The following PLCB4 variants were observed in gnomAD, a reference collection of about 807,000 sequenced individuals.
PLCB4 encodes phospholipase C beta 4.
Under a neutral mutation model 178.8 loss-of-function variants are expected in PLCB4, and 77 were observed. The observed-to-expected ratio is 0.43, with a 90% CI of 0.36 to 0.52. The LOEUF (loss-of-function observed/expected upper bound fraction) is 0.52. PLCB4 is among the 20% of genes least tolerant of loss of function. PLCB4 has a pLI of 0.00. For missense variants in PLCB4, 1,024 were observed against 1,453.4 expected (o/e 0.70, Z 4.80); for synonymous variants, 496 against 490.8 (o/e 1.01, Z -0.14).
At chr20:9,384,527 C>T in intron 14 of PLCB4, 116 bp downstream of exon 14, 1 of 717,060 alleles carries the variant, frequency 1.4e-6, no homozygotes, top group Non-Finnish European at 2.4e-6. Flanking sequence ...TGTTTATTCC[C>T]TTTAATGGAT....
chr20:9,207,681 GCCCACCATCTGCT>G (rs1369422908), intron 2 of PLCB4, among the ~76,000 whole-genome samples: 4 of 152,146 alleles, frequency 2.6e-5, no homozygotes, highest in Admixed American at 6.5e-5. Context: ...CTAGAGGAGG[GCCCACCATCTGCT>G]CCACAATAGG....
chr20:9,459,671 T>A lies in PLCB4; in HGVS notation c.3109T>A (p.Ser1037Thr). 1 of 1,612,682 alleles carries A rather than the reference T, an allele frequency of 6.2e-7. No homozygotes were observed. The highest frequency in any genetic ancestry group is 8.5e-7 in the Non-Finnish European group (1 of 1,178,922). The part of the protein sequence containing the change: ...EIVAQHTKEW[S>T]EMINTHSAEE... ...TGTAGCACAGCACACAAAGGAATGG[T>A]CAGAAATGATCAATACCCACAGTGC... Residue 1037 changes from serine to threonine, a missense_variant, in exon 35 of 40, where the codon TCA (serine) becomes ACA (threonine). This residue lies in a region of PLCB4 where 264 missense variants were observed against 283.2 expected (regional missense o/e 0.93). Coordinates refer to ENST00000378473, the MANE Select transcript of PLCB4 (RefSeq NM_001377142.1).
At position 9,248,978 on chromosome 20, in the gene PLCB4, A is replaced by T. The variant is rs141351924; in HGVS notation, c.-16+31526A>T. Among the ~76,000 whole-genome samples the T allele has an allele frequency of 8.5e-3, 1,290 of 152,138 alleles. 23 individuals carry two copies. The highest frequency in any genetic ancestry group is 0.03 in the African/African-American group (1,234 of 41,524). ...CTCCTGAGGGGGACCCTTTCCTTCC[A>T]TTTCCAGCTTCTAGCAGTTGCCTGC... On this transcript the variant is annotated intron_variant, in intron 3 of 39. Coordinates refer to ENST00000378473, the MANE Select transcript of PLCB4 (RefSeq NM_001377142.1).
intron 9 of PLCB4, among the ~76,000 whole-genome samples, chr20:9,368,128 T>C (rs2035935720): frequency 6.6e-6 from 1 of 152,246 alleles, no homozygotes; most frequent in South Asian, 2.1e-4. Context: ...ATGGAAACTA[T>C]TAGTGTACTG....
At chr20:9,198,432 T>A (rs2093500346) in intron 2 of PLCB4, among the ~76,000 whole-genome samples, 1 of 152,230 alleles carries the variant, frequency 6.6e-6, no homozygotes, top group African/African-American at 2.4e-5. Context: ...TGTTTCTTTG[T>A]GGAATATGGG....
chr20:9,104,465 G>A (rs1288254593), intron 2 of PLCB4, among the ~76,000 whole-genome samples: 1 of 152,092 alleles, frequency 6.6e-6, no homozygotes, highest in African/African-American at 2.4e-5. Context: ...TGGGGACCAT[G>A]TTTTAAAATT....
At chr20:9,449,900 C>T (rs1003646739) in intron 32 of PLCB4, among the ~76,000 whole-genome samples, 2 of 152,172 alleles carry the variant, frequency 1.3e-5, no homozygotes, top group East Asian at 3.9e-4. Context: ...CAGTTGCCCT[C>T]AGAGTCCGCC....
intron 12 of PLCB4, among the ~76,000 whole-genome samples, chr20:9,374,209 G>A (rs2036486907): frequency 6.6e-6 from 1 of 152,150 alleles, no homozygotes. Context: ...ATGCAAGAAA[G>A]AGAAAATCCT....
chr20:9,129,446 T>A (rs953167788), intron 2 of PLCB4, among the ~76,000 whole-genome samples: 3 of 152,174 alleles, frequency 2.0e-5, no homozygotes, highest in Non-Finnish European at 4.4e-5. Flanking sequence ...CTATACTGGC[T>A]TCCTTCCCTG....
At chr20:9,463,500 G>C (rs1054536508) in intron 35 of PLCB4, among the ~76,000 whole-genome samples, 2 of 149,170 alleles carry the variant, frequency 1.3e-5, no homozygotes, top group African/African-American at 4.9e-5. Context: ...AGACCCATCA[G>C]TGTGCTGAAT....
At chr20:9,459,984 C>T (rs1424585167) in intron 35 of PLCB4, among the ~76,000 whole-genome samples, 174 bp downstream of exon 35, 1 of 152,150 alleles carries the variant, frequency 6.6e-6, no homozygotes, top group East Asian at 1.9e-4. Flanking sequence ...TAAGAAATGG[C>T]ACCCAGGGGC....
In PLCB4 at chr20:9,147,627, G is replaced by T. The variant is rs78916309; in HGVS notation, c.-79+51285G>T. On this transcript the variant is annotated intron_variant, in intron 2 of 39. Coordinates refer to ENST00000378473, the MANE Select transcript of PLCB4 (RefSeq NM_001377142.1). ...GCTAACATCTATGCTAGATCAGGGTGACTCATCCCTGCTAAATATGTGTCT... is the reference window on the plus strand; with the variant it reads ...GCTAACATCTATGCTAGATCAGGGTTACTCATCCCTGCTAAATATGTGTCT... Among the ~76,000 whole-genome samples the T allele has an allele frequency of 4.1e-3, 618 of 152,164 alleles. 1 individual carries two copies. Among genetic ancestry groups the T allele is most frequent in the Admixed American group, 6.7e-3 (102 of 15,260 alleles).
chr20:9,427,085 C>CATGGTAGCTA (rs2041069778), intron 28 of PLCB4, among the ~76,000 whole-genome samples: 1 of 152,126 alleles, frequency 6.6e-6, no homozygotes, highest in African/African-American at 2.4e-5. Flanking sequence ...ATTAGCCTGC[C>CATGGTAGCTA]ATGGTAGCAC....
chr20:9,242,541 C>A (rs2094076360), intron 3 of PLCB4, among the ~76,000 whole-genome samples: 2 of 152,158 alleles, frequency 1.3e-5, no homozygotes, highest in African/African-American at 2.4e-5. Context: ...ATGGCTGGAC[C>A]TTCTTAAATT....
At chr20:9,173,934 T>G (rs917590328) in intron 2 of PLCB4, among the ~76,000 whole-genome samples, 6 of 152,180 alleles carry the variant, frequency 3.9e-5, no homozygotes, top group African/African-American at 1.4e-4. Context: ...GGCACTGATT[T>G]CTATTTCCCT....
chr20:9,073,101 A>G (rs966703570), intron 1 of PLCB4, among the ~76,000 whole-genome samples: 3 of 152,236 alleles, frequency 2.0e-5, no homozygotes, highest in Admixed American at 2.0e-4. Context: ...CCCTTGGGCC[A>G]GGCAAATCAT....
intron 2 of PLCB4, among the ~76,000 whole-genome samples, chr20:9,100,535 G>A (rs2091103967): frequency 6.6e-6 from 1 of 152,228 alleles, no homozygotes; most frequent in African/African-American, 2.4e-5. Context: ...ATGCTGACTT[G>A]TTTAATGGAA....
chr20:9,231,551 A>G (rs552998606), intron 3 of PLCB4, among the ~76,000 whole-genome samples: 2 of 152,282 alleles, frequency 1.3e-5, no homozygotes, highest in Non-Finnish European at 2.9e-5. Flanking sequence ...TGATGTATAT[A>G]GCAGTGCTCC....
At chr20:9,449,971 C>G (rs919036028) in intron 32 of PLCB4, among the ~76,000 whole-genome samples, 4 of 152,194 alleles carry the variant, frequency 2.6e-5, no homozygotes, top group African/African-American at 7.2e-5. Flanking sequence ...TTTCAGCACC[C>G]TCTGTGGTGC....
Sources: allele counts gnomAD v4.1 joint callset (sites outside exome capture counted in the v4.1 genomes callset), GRCh38; gene constraint gnomAD v4.1.1; regional missense constraint gnomAD v4.1.1; transcripts MANE v1.5; gene names NCBI Gene and HGNC (gene_info 2026-07-23, HGNC 2026-07-21).